BZW2: variants seen among roughly 807,000 people sequenced by gnomAD.
The protein encoded by BZW2 is eIF5-mimic protein 1.
Under a neutral mutation model 53.2 loss-of-function variants are expected in BZW2, and 23 were observed. That is an observed-to-expected ratio of 0.43 (90% CI 0.31 to 0.61). The LOEUF is 0.61. BZW2 is among the 20% of genes least tolerant of loss of function. BZW2 has a pLI of 0.09. For synonymous variants in BZW2, 227 were observed against 186.4 expected (o/e 1.22, Z -1.77); for missense variants, 409 against 503.1 (o/e 0.81, Z 1.79).
intron 1 of BZW2, among the ~76,000 whole-genome samples, chr7:16,647,278 T>A (rs1207597339): frequency 6.6e-6 from 1 of 152,216 alleles, no homozygotes; most frequent in African/African-American, 2.4e-5. Flanking sequence ...AATATGTGTG[T>A]CAAAGAGACG....
chr7:16,704,154 A>G (rs930439829), intron 10 of BZW2, among the ~76,000 whole-genome samples: 17 of 152,150 alleles, frequency 1.1e-4, no homozygotes, highest in African/African-American at 4.1e-4. Flanking sequence ...ATTTGAGGTT[A>G]CTCTTTAATC....
intron 7 of BZW2, among the ~76,000 whole-genome samples, chr7:16,691,084 T>G (rs1404114319): frequency 6.6e-6 from 1 of 152,246 alleles, no homozygotes; most frequent in African/African-American, 2.4e-5. Flanking sequence ...TTAAGAATAC[T>G]TTGTTTCTTG....
rs767046038 is a variant in BZW2, at chr7:16,674,451, C to T, written c.98C>T (p.Thr33Ile). Residue 33 changes from threonine (T) to isoleucine (I), a missense_variant, in exon 3 of 12, where the codon ACA becomes ATA. Thr to Ile is a moderately conservative substitution (Grantham distance 89). Coordinates refer to ENST00000258761, the MANE Select transcript of BZW2 (RefSeq NM_014038.3). ...TTCGAACCCACAGTCTTCAGGGATA[C>T]ACTTGTCCAGGGGCTTAATGAGGCT... ...EKFEPTVFRD[T>I]LVQGLNEAGD... is the part of the protein sequence containing the mutation. 20 of 1,611,024 alleles carry T rather than the reference C, an allele frequency of 1.2e-5. No homozygotes were observed. The highest frequency in any genetic ancestry group is 3.3e-4 in the Middle Eastern group (2 of 6,076).
At chr7:16,682,625 C>G (rs1050051231) in intron 4 of BZW2, among the ~76,000 whole-genome samples, 155 bp from the exon 5 acceptor site, 8 of 151,998 alleles carry the variant, frequency 5.3e-5, no homozygotes, top group African/African-American at 1.9e-4. Flanking sequence ...ATGATAGCAT[C>G]TTTGAAATGC....
chr7:16,704,692 T>G (rs1490617241), intron 11 of BZW2, 23 bp downstream of exon 11: 1 of 1,549,612 alleles, frequency 6.5e-7, no homozygotes. Context: ...TTACAAACAT[T>G]GATGACCTTT....
chr7:16,650,230 T>C (rs1781951999), intron 1 of BZW2, among the ~76,000 whole-genome samples: 1 of 152,220 alleles, frequency 6.6e-6, no homozygotes, highest in Non-Finnish European at 1.5e-5. Flanking sequence ...TCAGTGCTTG[T>C]AGAACAAATT....
intron 8 of BZW2, among the ~76,000 whole-genome samples, chr7:16,696,384 T>C (rs981902406): frequency 6.6e-6 from 1 of 152,238 alleles, no homozygotes; most frequent in Non-Finnish European, 1.5e-5. Context: ...ATATGAAATT[T>C]AAAAATTGCC....
chr7:16,671,054 A>G (rs1300125532), intron 2 of BZW2, among the ~76,000 whole-genome samples: 5 of 152,316 alleles, frequency 3.3e-5, no homozygotes, highest in Admixed American at 1.3e-4. Context: ...TGGTTTTAAA[A>G]TGTAGTTTTT....
chr7:16,674,521 C>T lies in BZW2; in HGVS notation c.168C>T (p.Gly56=), dbSNP rs1782708374. The change falls in exon 3 of 12, where the codon GGC becomes GGT. Residue 56 remains glycine (G), a synonymous_variant. Transcript: ENST00000258761. ...EAVAKFLDST[G]SRLDYRRYAD... Reference sequence around the variant, plus strand: ...TAGCCAAATTTCTGGACTCTACAGGCTCAAGATTAGATTATCGTCGCTATG... The same window carrying T: ...TAGCCAAATTTCTGGACTCTACAGGTTCAAGATTAGATTATCGTCGCTATG... 6.2e-7 allele frequency: 1 copy of T among 1,612,612 alleles called. No individual in the cohort carries two copies. Among genetic ancestry groups the T allele is most frequent in the Admixed American group, 1.7e-5 (1 of 59,962 alleles).
At chr7:16,665,232 G>T (rs111775732) in intron 1 of BZW2, among the ~76,000 whole-genome samples, 5 of 151,900 alleles carry the variant, frequency 3.3e-5, no homozygotes, top group African/African-American at 1.2e-4. Context: ...CTTGAACCCG[G>T]GATGCAGAGG....
intron 2 of BZW2, among the ~76,000 whole-genome samples, chr7:16,673,380 C>T (rs912614619): frequency 3.3e-5 from 5 of 152,154 alleles, no homozygotes; most frequent in African/African-American, 9.7e-5. Context: ...TTCTCTCATA[C>T]TTTTACAGTG....
At chr7:16,649,417 A>C (rs1463063933) in intron 1 of BZW2, among the ~76,000 whole-genome samples, 2 of 152,204 alleles carry the variant, frequency 1.3e-5, no homozygotes, top group Non-Finnish European at 2.9e-5. Context: ...CAGAGGCAGA[A>C]AGTCTTTAAA....
chr7:16,655,590 C>A (rs900741341), intron 1 of BZW2, among the ~76,000 whole-genome samples: 2 of 152,162 alleles, frequency 1.3e-5, no homozygotes, highest in Non-Finnish European at 2.9e-5. Flanking sequence ...ACTATAATAA[C>A]TCTATTGTGC....
At chr7:16,673,095 C>T (rs768313164) in intron 2 of BZW2, among the ~76,000 whole-genome samples, 11 of 152,026 alleles carry the variant, frequency 7.2e-5, no homozygotes, top group Non-Finnish European at 1.3e-4. Context: ...AACAGGGGCC[C>T]GCCACCACCC....
At chr7:16,695,105 A>G (rs1383145460) in intron 8 of BZW2, 101 bp downstream of exon 8, 30 of 1,132,634 alleles carry the variant, frequency 2.6e-5, no homozygotes, top group African/African-American at 4.6e-5. Context: ...TCCTATGCTT[A>G]TTGCTGTAAA....
intron 7 of BZW2, among the ~76,000 whole-genome samples, chr7:16,692,734 G>A (rs150990249): frequency 0.041 from 6,214 of 152,104 alleles, 201 homozygotes; most frequent in Middle Eastern, 0.13. Context: ...ACTTCACTCC[G>A]GCCTGGGTGA....
chr7:16,663,253 CTG>C lies in BZW2; in HGVS notation c.-7-2180_-7-2179del, dbSNP rs146037817. On this transcript the variant is annotated intron_variant, in intron 1 of 11. Coordinates refer to ENST00000258761, the MANE Select transcript of BZW2 (RefSeq NM_014038.3). ...TCAATTACTTTATTCTTACACTGGT[CTG>C]TGTTTCTACTGTTTGAACTATTACA... 5.2e-3 allele frequency among the ~76,000 whole-genome samples: 787 copies of C among 152,226 alleles called. 17 individuals carry two copies. Among genetic ancestry groups the C allele is most frequent in the Admixed American group, 0.036 (548 of 15,286 alleles).
intron 2 of BZW2, among the ~76,000 whole-genome samples, chr7:16,669,914 C>T (rs1007320488): frequency 2.0e-5 from 3 of 152,130 alleles, no homozygotes; most frequent in Non-Finnish European, 2.9e-5. Flanking sequence ...TATTTTCATT[C>T]GAATTTTGTT....
intron 1 of BZW2, among the ~76,000 whole-genome samples, chr7:16,660,729 C>G (rs577316659): frequency 6.6e-5 from 10 of 152,120 alleles, no homozygotes; most frequent in Non-Finnish European, 1.2e-4. Flanking sequence ...TGTCTAGTCA[C>G]TAGCCGCATT....
Sources: gnomAD v4.1 joint callset for allele counts (sites outside exome capture counted in the v4.1 genomes callset) on GRCh38, gnomAD v4.1.1 for gene constraint, MANE v1.5 for transcripts, NCBI Gene and HGNC (gene_info 2026-07-23, HGNC 2026-07-21) for gene names.